SLC9A3: variants seen among roughly 807,000 people sequenced by gnomAD.
SLC9A3 encodes solute carrier family 9 member A3.
In SLC9A3, 37 loss-of-function variants were observed where a neutral mutation model predicts 86.8. That is an observed-to-expected ratio of 0.43 (90% confidence interval 0.33 to 0.56). The LOEUF is 0.56. Ranked by LOEUF, SLC9A3 falls within the 20% of genes least tolerant of loss-of-function variation. The pLI is 0.06. For synonymous variants in SLC9A3, 581 were observed against 528.3 expected (o/e 1.10, Z -1.37); for missense variants, 1,011 against 1,171.9 (o/e 0.86, Z 2.00).
Position 485,112 on chromosome 5 carries a change from G to C in SLC9A3, c.754+41C>G, listed in dbSNP as rs375673466. ...CCAGAGAAGACAGTTGGCCCCAGAG[G>C]AGACACGGCCGCCCACTCCCCCTGA... On this transcript the variant is annotated intron_variant, in intron 4 of 16. Coordinates refer to ENST00000264938, the MANE Select transcript of SLC9A3 (RefSeq NM_004174.4). 1.1e-5 allele frequency: 16 copies of C among 1,454,436 alleles called. No homozygotes were observed. The African/African-American group carries it at 1.9e-4, about 18-fold the overall frequency. 90.1% of individuals were successfully genotyped at this position (1,454,436 alleles called of 1,614,324 possible).
intron 1 of SLC9A3, among the ~76,000 whole-genome samples, chr5:508,509 G>A (rs1740720650): frequency 1.4e-5 from 2 of 145,648 alleles, no homozygotes; most frequent in Non-Finnish European, 3.0e-5. Flanking sequence ...TGGAGATGCC[G>A]CAGGGAGACA....
chr5:475,088 T>C lies in SLC9A3; in HGVS notation c.2296A>G (p.Ser766Gly). 1 of 1,610,748 alleles carries C rather than the reference T, an allele frequency of 6.2e-7. No individual in the cohort carries two copies. Among genetic ancestry groups the C allele is most frequent in the African/African-American group, 1.3e-5 (1 of 74,868 alleles). Residue 766 changes from serine to glycine, a missense_variant, in exon 16 of 17, where the codon AGC (serine) becomes GGC (glycine). This residue lies in a region of SLC9A3 where 397 missense variants were observed against 346.3 expected (regional missense o/e 1.15). Transcript: ENST00000264938. ...CAGGGCGGCAGCCTGGCCAGGAGGC[T>C]GCGGTCCAGGGCCTCGTCCGGAGAA... Reference protein sequence around the residue: ...VFSPDEALDRSLLARLPPWLS... With the variant: ...VFSPDEALDRGLLARLPPWLS...
At position 501,662 on chromosome 5, in the gene SLC9A3, C is replaced by T. The variant is rs557939856; in HGVS notation, c.212-9591G>A. 2.9e-3 allele frequency among the ~76,000 whole-genome samples: 443 copies of T among 152,352 alleles called. 2 individuals are homozygous for T. Among genetic ancestry groups the T allele is most frequent in the African/African-American group, 0.01 (419 of 41,590 alleles). On this transcript the variant is annotated intron_variant, in intron 1 of 16. Transcript: ENST00000264938. ...GCTGTGGGTCTGAGTTCTCTGCCAC[C>T]CGCCCCTGCAGGTCCAGCAGAGCTC...
intron 1 of SLC9A3, among the ~76,000 whole-genome samples, chr5:500,924 G>A (rs1416953362): frequency 2.0e-5 from 3 of 151,904 alleles, no homozygotes; most frequent in South Asian, 2.1e-4. Context: ...GTGTGGACAC[G>A]GGCCGGTGTG....
chr5:480,684 C>G (rs118114638), intron 9 of SLC9A3: 1 of 152,284 alleles, frequency 6.6e-6, no homozygotes, highest in Non-Finnish European at 1.5e-5. Context: ...ACTGGGTACC[C>G]GGAGCAGAGT....
Position 491,672 on chromosome 5 carries a change from C to T in SLC9A3, c.514+97G>A. The T allele has an allele frequency of 3.5e-6, 4 of 1,155,708 alleles. No individual in the cohort carries two copies. The highest frequency in any genetic ancestry group is 4.8e-6 in the Non-Finnish European group (4 of 839,172). The allele number at this position is 1,155,708 out of a possible 1,614,324, so 71.6% of individuals were successfully genotyped here. A position where few individuals can be genotyped will look rare whatever the true frequency, so the allele number is the denominator to read the frequency against. The stretch of plus-strand genomic sequence containing the variant: ...TCACCTGACACTTACCGCCTGGAGG[C>T]CAGGGTGCGGCACCCCGACCTTTCT... On this transcript the variant is annotated intron_variant, in intron 2 of 16. Transcript: ENST00000264938. The surrounding 1 kb of genome is among the most constrained non-coding windows in gnomAD (Gnocchi z 9.2).
At position 472,408 on chromosome 5, in the gene SLC9A3, C is replaced by T; in HGVS notation, c.*971G>A. On this transcript the variant is annotated 3_prime_UTR_variant, in exon 17 of 17. Coordinates refer to ENST00000264938, the MANE Select transcript of SLC9A3 (RefSeq NM_004174.4). ...GGGGGACAGAGCAGCTGCTGGGCCC[C>T]ACCATCCACTTAAGGACTGGCCGTG... 3.0e-6 allele frequency: 1 copy of T among 334,936 alleles called. No individual in the cohort carries two copies. Among genetic ancestry groups the T allele is most frequent in the Non-Finnish European group, 5.8e-6 (1 of 171,092 alleles). 20.7% of individuals were successfully genotyped at this position (334,936 alleles called of 1,614,324 possible).
At chr5:488,982 C>T (rs1054068460) in intron 2 of SLC9A3, among the ~76,000 whole-genome samples, 7 of 152,110 alleles carry the variant, frequency 4.6e-5, no homozygotes, top group South Asian at 2.1e-4. Flanking sequence ...GCCCGGAAGA[C>T]GTGGGTCCAT....
intron 1 of SLC9A3, among the ~76,000 whole-genome samples, chr5:501,763 C>G (rs1362817661): frequency 1.3e-5 from 2 of 152,236 alleles, no homozygotes; most frequent in Non-Finnish European, 2.9e-5. Context: ...AATGTGTCGG[C>G]CGTCAAGCCC....
chr5:473,169 G>GCCCCCGGCGCAGGCCCCC lies in SLC9A3; in HGVS notation c.*209_*210insGGGGGCCTGCGCCGGGGG. 2 of 450,012 alleles carry GCCCCCGGCGCAGGCCCCC rather than the reference G, an allele frequency of 4.4e-6. No homozygotes were observed. Among genetic ancestry groups the GCCCCCGGCGCAGGCCCCC allele is most frequent in the Non-Finnish European group, 3.4e-6 (1 of 289,924 alleles). The allele number at this position is 450,012 out of a possible 1,614,324, so 27.9% of individuals were successfully genotyped here. ...CGGCCCCGCCCCCGGCGCAGGCCCC[G>GCCCCCGGCGCAGGCCCCC]CCCCCGGCTCGCCCTCGGGCGGCTC... is the stretch of plus-strand genomic sequence containing the variant. On this transcript the variant is annotated 3_prime_UTR_variant, in exon 17 of 17. Coordinates refer to ENST00000264938, the MANE Select transcript of SLC9A3 (RefSeq NM_004174.4).
chr5:513,726 G>A (rs1723283555), intron 1 of SLC9A3, among the ~76,000 whole-genome samples: 1 of 152,160 alleles, frequency 6.6e-6, no homozygotes, highest in Admixed American at 6.5e-5. Flanking sequence ...GCAGCCCCGG[G>A]CCACCCTCGC....
intron 1 of SLC9A3, among the ~76,000 whole-genome samples, chr5:501,092 CAG>C (rs1740257828): frequency 6.6e-6 from 1 of 152,196 alleles, no homozygotes; most frequent in African/African-American, 2.4e-5. Context: ...ATGGTTACGA[CAG>C]GGGACAGACG....
At chr5:481,524 C>CCGGG (rs1739163839) in intron 9 of SLC9A3, 41 bp downstream of exon 9, 2 of 1,514,174 alleles carry the variant, frequency 1.3e-6, no homozygotes, top group Non-Finnish European at 1.8e-6. Flanking sequence ...TTTCCAGAAG[C>CCGGG]CGGGCTGTGC....
rs141747722 is a variant in SLC9A3 at position 484,736 on chromosome 5, C to T, written c.755-39G>A. ...GCCCTTTGTGGCCGTGCCGGCCTTC[C>T]GGGCCCTTCCTTGCCAGGGGCCGCC... is the stretch of plus-strand genomic sequence containing the variant. On this transcript the variant is annotated intron_variant, in intron 4 of 16. Coordinates refer to ENST00000264938, the MANE Select transcript of SLC9A3 (RefSeq NM_004174.4). The T allele has an allele frequency of 5.8e-4, 926 of 1,602,342 alleles. 5 individuals carry two copies. In the African/African-American group the frequency reaches 0.01, roughly 18 times the overall value.
chr5:476,141 G>T, intron 13 of SLC9A3, 49 bp from the exon 14 acceptor site: 1 of 1,611,716 alleles, frequency 6.2e-7, no homozygotes, highest in Middle Eastern at 1.7e-4. Context: ...GCCACACCCA[G>T]CCCTGACTGC....
intron 1 of SLC9A3, among the ~76,000 whole-genome samples, chr5:519,021 C>A (rs1306981105): frequency 1.3e-5 from 2 of 152,164 alleles, no homozygotes; most frequent in African/African-American, 4.8e-5. Context: ...GCTCCAAACG[C>A]CATGGATTGT....
chr5:472,945 A>C lies in SLC9A3; in HGVS notation c.*434T>G, dbSNP rs993711372. 1.9e-6 allele frequency: 1 copy of C among 529,124 alleles called. No homozygotes were observed. Among genetic ancestry groups the C allele is most frequent in the Non-Finnish European group, 3.3e-6 (1 of 299,116 alleles). The allele number at this position is 529,124 out of a possible 1,614,324, so 32.8% of individuals were successfully genotyped here. Reference sequence around the variant, plus strand: ...GCGAGCGGCCAGCCATGGCGCGCGGACCCTTCCCGCCGGCGGCGTCACAGC... The same window carrying C: ...GCGAGCGGCCAGCCATGGCGCGCGGCCCCTTCCCGCCGGCGGCGTCACAGC... On this transcript the variant is annotated 3_prime_UTR_variant, in exon 17 of 17. Coordinates refer to ENST00000264938, the MANE Select transcript of SLC9A3 (RefSeq NM_004174.4).
chr5:476,657 G>T lies in SLC9A3; in HGVS notation c.1776C>A (p.Ser592Arg), dbSNP rs767833946. 4 of 1,605,994 alleles carry T rather than the reference G, an allele frequency of 2.5e-6. No individual in the cohort carries two copies. The African/African-American group carries it at 4.0e-5, about 16-fold the overall frequency. ...SVSYLLRENVSAVCLDMQSLE... is the reference protein window; with the variant it reads ...SVSYLLRENVRAVCLDMQSLE... Reference sequence around the variant, plus strand: ...GAGACTGCATGTCCAGGCAGACAGCGCTGACATTTTCTCTCCTGCGTGGGG... The same window carrying T: ...GAGACTGCATGTCCAGGCAGACAGCTCTGACATTTTCTCTCCTGCGTGGGG... The change falls in exon 12 of 17, where the codon AGC becomes AGA. Residue 592 changes from serine (S) to arginine (R), a missense_variant. Physicochemically the swap from Ser to Arg is moderately radical, Grantham distance 110. Coordinates refer to ENST00000264938, the MANE Select transcript of SLC9A3 (RefSeq NM_004174.4).
At chr5:493,819 C>T (rs533120338) in intron 1 of SLC9A3, among the ~76,000 whole-genome samples, 2 of 152,340 alleles carry the variant, frequency 1.3e-5, no homozygotes, top group African/African-American at 2.4e-5. Flanking sequence ...AGCCCCCCGA[C>T]GGCTCCCCCA....
Sources: allele counts gnomAD v4.1 joint callset (sites outside exome capture counted in the v4.1 genomes callset), GRCh38; gene constraint gnomAD v4.1.1; regional missense constraint gnomAD v4.1.1; non-coding constraint Gnocchi (gnomAD v3.1); transcripts MANE v1.5; gene names NCBI Gene and HGNC (gene_info 2026-07-23, HGNC 2026-07-21).